Variants in MDN1 observed in about 807,000 individuals in gnomAD.
MDN1 encodes the protein midasin AAA ATPase 1, also known as midasin.
In MDN1, 266 loss-of-function variants were observed where a neutral mutation model predicts 669.2. That is an observed-to-expected ratio of 0.40 (90% CI 0.36 to 0.44). The LOEUF (loss-of-function observed/expected upper bound fraction) is 0.44, where lower values mean the gene tolerates loss of function less well. MDN1 is among the 20% of genes least tolerant of loss of function. The pLI, the probability that MDN1 is intolerant of heterozygous loss-of-function variation, is 1.00. For missense variants in MDN1, 5,940 were observed against 6,754.0 expected (o/e 0.88, Z 4.22); for synonymous variants, 2,385 against 2,457.1 (o/e 0.97, Z 0.87).
Position 89,727,950 on chromosome 6 carries a change from G to C in MDN1, c.5355C>G (p.Ile1785Met). 6.2e-7 allele frequency: 1 copy of C among 1,608,100 alleles called. No individual in the cohort carries two copies. The highest frequency in any genetic ancestry group is 1.1e-5 in the South Asian group (1 of 90,172). ...GTAGATCTGCTCCAAACAGGTCTGT[G>C]ATGTCCTTTGAAAGGGGAAGAAATG... ...VRINLSEQTDITDLFGADLPV... is the reference protein window; with the variant it reads ...VRINLSEQTDMTDLFGADLPV... The change falls in exon 37 of 102, where the codon ATC (isoleucine) becomes ATG (methionine). Residue 1785 changes from isoleucine to methionine, a missense_variant. Ile to Met is a conservative substitution (Grantham distance 10). Around this residue, in one of 5 missense-constraint regions of MDN1, gnomAD observed 2,292 missense variants for 2,638.3 expected, o/e 0.87. Transcript: ENST00000369393.
intron 11 of MDN1, among the ~76,000 whole-genome samples, chr6:89,777,845 C>G (rs1183646230): frequency 6.2e-4 from 94 of 152,090 alleles, no homozygotes; most frequent in Non-Finnish European, 2.9e-5. Context: ...CACCCATTCC[C>G]TAGTACCCTG....
chr6:89,784,861 A>C (rs1024822120), intron 9 of MDN1, 151 bp downstream of exon 9: 2 of 543,188 alleles, frequency 3.7e-6, no homozygotes, highest in Non-Finnish European at 6.6e-6. Flanking sequence ...GCCCAGAAAA[A>C]ATAACAGATG....
At chr6:89,768,450 A>C (rs1817912486) in intron 15 of MDN1, among the ~76,000 whole-genome samples, 2 of 152,214 alleles carry the variant, frequency 1.3e-5, no homozygotes, top group African/African-American at 4.8e-5. Flanking sequence ...CTCCCCAGCC[A>C]TGCGGAACTG....
At chr6:89,646,659 G>A in intron 99 of MDN1, 56 bp from the exon 100 acceptor site, 2 of 1,441,226 alleles carry the variant, frequency 1.4e-6, no homozygotes, top group Admixed American at 1.7e-5. Flanking sequence ...TCTTCTCATT[G>A]TCAAAGAGAC....
chr6:89,803,895 CTT>C (rs56246331), intron 1 of MDN1, among the ~76,000 whole-genome samples: 5 of 76,388 alleles, frequency 6.5e-5, no homozygotes, highest in East Asian at 8.7e-4. Flanking sequence ...CTTTTCTTTT[CTT>C]TTTTTTTTTT....
At chr6:89,683,360 GA>G in intron 72 of MDN1, 30 bp from the exon 73 acceptor site, 1 of 1,590,552 alleles carries the variant, frequency 6.3e-7, no homozygotes, top group Non-Finnish European at 8.6e-7. Context: ...GAGATAAGAA[GA>G]AAAAAACTGG....
chr6:89,658,596 A>G lies in MDN1; in HGVS notation c.15021+14T>C, dbSNP rs1469689489. On this transcript the variant is annotated intron_variant, in intron 89 of 101. Transcript: ENST00000369393. The stretch of plus-strand genomic sequence containing the variant: ...CATTATTTTTAACATAAAAAGCCAG[A>G]CATCTCATGATACCTGGGGCTGGAA... 6.3e-7 allele frequency: 1 copy of G among 1,592,082 alleles called. No homozygotes were observed. The highest frequency in any genetic ancestry group is 2.2e-5 in the East Asian group (1 of 44,480).
chr6:89,734,692 A>AGAGAGT (rs1562157961), intron 33 of MDN1, among the ~76,000 whole-genome samples: 1 of 103,162 alleles, frequency 9.7e-6, no homozygotes, highest in East Asian at 2.4e-4. Flanking sequence ...AAAAAAAACA[A>AGAGAGT]GAGAGAGAGA....
At chr6:89,796,609 A>G (rs1189554728) in intron 2 of MDN1, among the ~76,000 whole-genome samples, 2 of 152,034 alleles carry the variant, frequency 1.3e-5, no homozygotes, top group Non-Finnish European at 2.9e-5. Flanking sequence ...CAAATGCACT[A>G]CTCTGACGGG....
chr6:89,670,992 G>T lies in MDN1; in HGVS notation c.13883C>A (p.Ser4628Tyr). 1 of 1,614,176 alleles carries T rather than the reference G, an allele frequency of 6.2e-7. No individual in the cohort carries two copies. The highest frequency in any genetic ancestry group is 1.1e-5 in the South Asian group (1 of 91,072). ...SDLVLFFLTMSLATHRSTAKL... is the reference protein window; with the variant it reads ...SDLVLFFLTMYLATHRSTAKL... ...TGCAGTACTACGGTGAGTTGCTAAAGACATGGTCAGGAAGAAGAGGACGAG... is the reference window on the plus strand; with the variant it reads ...TGCAGTACTACGGTGAGTTGCTAAATACATGGTCAGGAAGAAGAGGACGAG... Residue 4628 changes from serine to tyrosine, a missense_variant, in exon 83 of 102, where the codon TCT becomes TAT. Ser to Tyr is a moderately radical substitution (Grantham distance 144). This residue lies in a region of MDN1 where 2,280 missense variants were observed against 2,576.3 expected (regional missense o/e 0.88). Coordinates refer to ENST00000369393, the MANE Select transcript of MDN1 (RefSeq NM_014611.3).
intron 18 of MDN1, 41 bp from the exon 19 acceptor site, chr6:89,758,392 T>C: frequency 6.6e-7 from 1 of 1,510,980 alleles, no homozygotes; most frequent in Non-Finnish European, 9.1e-7. Context: ...AAGGTATGAT[T>C]ATCTAATTCC....
chr6:89,763,033 A>G (rs1817633108), intron 15 of MDN1, among the ~76,000 whole-genome samples: 1 of 152,206 alleles, frequency 6.6e-6, no homozygotes, highest in Admixed American at 6.5e-5. Flanking sequence ...AGCGTGGGCA[A>G]CAGAGCCAGA....
chr6:89,797,801 T>C (rs1819686175), intron 2 of MDN1: 1 of 273,006 alleles, frequency 3.7e-6, no homozygotes, highest in African/African-American at 2.3e-5. Flanking sequence ...AAGTATGAGA[T>C]GCTCATTAAT....
rs1006839771 is a variant in MDN1, at chr6:89,695,999, G to A, written c.9384-7C>T. 9 of 1,598,258 alleles carry A rather than the reference G, an allele frequency of 5.6e-6. No homozygotes were observed. The highest frequency in any genetic ancestry group is 6.8e-6 in the Non-Finnish European group (8 of 1,171,752). The stretch of plus-strand genomic sequence containing the variant: ...GAGTTGGGAATCCGTGCGTCTGTGG[G>A]GACAAAAAGAAAGCACTGAAAGGTT... On this transcript the variant is annotated splice_region_variant and splice_polypyrimidine_tract_variant and intron_variant, in intron 60 of 101. Transcript: ENST00000369393. This position sits in a 1 kb window ranked among gnomAD's most constrained non-coding sequence, Gnocchi z 4.1.
At chr6:89,699,939 A>C in intron 57 of MDN1, 124 bp downstream of exon 57, 2 of 1,150,428 alleles carry the variant, frequency 1.7e-6, no homozygotes, top group South Asian at 1.6e-5. Flanking sequence ...CAAAGTGGCA[A>C]ATCACTTCCC....
chr6:89,689,176 A>G lies in MDN1; in HGVS notation c.11024-368T>C, dbSNP rs562362937. 1.6e-4 allele frequency among the ~76,000 whole-genome samples: 24 copies of G among 152,316 alleles called. No homozygotes were observed. In the South Asian group the frequency reaches 5.0e-3, roughly 32 times the overall value. On this transcript the variant is annotated intron_variant, in intron 65 of 101. Transcript: ENST00000369393. ...GCATCAGCAACATCAGCAACAATGA[A>G]CTAATTGGGACTAATGAATGCTATT... is the stretch of plus-strand genomic sequence containing the variant.
At position 89,801,029 on chromosome 6, in the gene MDN1, T is replaced by C. The variant is rs1767620290; in HGVS notation, c.329+2299A>G. ...AGGATACTTCTGTGTATTGCAGACA[T>C]GATTCACAGCAGGCGCTGGTCAAGT... On this transcript the variant is annotated intron_variant, in intron 2 of 101. Transcript: ENST00000369393. Among the ~76,000 whole-genome samples, 4 of 152,260 alleles carry C rather than the reference T, an allele frequency of 2.6e-5. No individual in the cohort carries two copies. In the South Asian group the frequency reaches 8.3e-4, roughly 31 times the overall value.
intron 4 of MDN1, 51 bp from the exon 5 acceptor site, chr6:89,794,005 C>G (rs748117816): frequency 4.0e-6 from 6 of 1,497,776 alleles, no homozygotes; most frequent in South Asian, 1.2e-5. Flanking sequence ...GAAATGCTAT[C>G]GCAAGACCTG....
At position 89,794,191 on chromosome 6, in the gene MDN1, G is replaced by C. The variant is rs745838135; in HGVS notation, c.571C>G (p.Leu191Val). The change falls in exon 4 of 102, where the codon CTT (leucine) becomes GTT (valine). Residue 191 changes from leucine to valine, a missense_variant. Transcript: ENST00000369393. ...TCATTCATACAGGTAACCAAAGCAA[G>C]ACAATTGGCTGTATACCTAGGGAAA... ...TLVRWYTANCLALVTCMNEEH... is the reference protein window; with the variant it reads ...TLVRWYTANCVALVTCMNEEH... 2 of 1,589,970 alleles carry C rather than the reference G, an allele frequency of 1.3e-6. No homozygotes were observed. Among genetic ancestry groups the C allele is most frequent in the Admixed American group, 3.7e-5 (2 of 54,178 alleles).
Sources: allele counts gnomAD v4.1 joint callset (sites outside exome capture counted in the v4.1 genomes callset), GRCh38; gene constraint gnomAD v4.1.1; regional missense constraint gnomAD v4.1.1; non-coding constraint Gnocchi (gnomAD v3.1); transcripts MANE v1.5; gene names NCBI Gene and HGNC (gene_info 2026-07-23, HGNC 2026-07-21).